GPX5: variants seen among roughly 807,000 people sequenced by gnomAD.
The protein encoded by GPX5 is glutathione peroxidase 5.
In GPX5, 20 loss-of-function variants were observed where a neutral mutation model predicts 23.8. That is an observed-to-expected ratio of 0.84 (90% CI 0.59 to 1.22). The LOEUF (loss-of-function observed/expected upper bound fraction) is 1.22, where lower values mean the gene tolerates loss of function less well. Ranked by LOEUF, GPX5 falls within the 50% of genes most tolerant of loss-of-function variation. The pLI, the probability that GPX5 is intolerant of heterozygous loss-of-function variation, is 0.00. For synonymous variants in GPX5, 92 were observed against 99.5 expected (o/e 0.92, Z 0.45); for missense variants, 230 against 266.6 (o/e 0.86, Z 0.96).
intron 1 of GPX5, 59 bp from the exon 2 acceptor site, chr6:28,529,392 A>G: frequency 7.3e-7 from 1 of 1,364,746 alleles, no homozygotes; most frequent in Non-Finnish European, 1.0e-6. Context: ...TCTTTGAAAG[A>G]TTACACAGAT....
At chr6:28,531,385 AAAAAAAAAGAAAAGAAAAGAAAAGAAAAG>A (rs1370407939) in intron 2 of GPX5, among the ~76,000 whole-genome samples, 4 of 132,312 alleles carry the variant, frequency 3.0e-5, no homozygotes, top group African/African-American at 1.1e-4. Flanking sequence ...AAAAAAAAAA[AAAAAAAAAGAAAAGAAAAGAAAAGAAAAG>A]AAAAGAAAAG....
rs760131066 is a variant in GPX5, at chr6:28,529,594, G to A, written c.231G>A (p.Ala77=). The part of the protein sequence containing the change: ...VNVATYCGLT[A]QYPELNALQE... ...TGGCCACCTACTGTGGTCTGACAGC[G>A]CAATATCCTGGTAAGAGAATTCATA... The change falls in exon 2 of 5, where the codon GCG becomes GCA. Residue 77 remains alanine (A), a synonymous_variant. Transcript: ENST00000412168. 11 of 1,606,210 alleles carry A rather than the reference G, an allele frequency of 6.8e-6. No homozygotes were observed. The highest frequency in any genetic ancestry group is 6.7e-5 in the Admixed American group (4 of 59,322).
chr6:28,532,039 C>T lies in GPX5; in HGVS notation c.359+144C>T, dbSNP rs530678827. 60 of 734,826 alleles carry T rather than the reference C, an allele frequency of 8.2e-5. 2 individuals carry two copies. The highest frequency in any genetic ancestry group is 3.0e-4 in the African/African-American group (17 of 56,374). The allele number at this position is 734,826 out of a possible 1,614,324, so 45.5% of individuals were successfully genotyped here. A position where few individuals can be genotyped will look rare whatever the true frequency, so the allele number is the denominator to read the frequency against. Reference sequence around the variant, plus strand: ...CAAGCAGAGTTTAACTTTGGCCTACCGTGATGAGCGTCTGGCAGTTTCCAG... The same window carrying T: ...CAAGCAGAGTTTAACTTTGGCCTACTGTGATGAGCGTCTGGCAGTTTCCAG... On this transcript the variant is annotated intron_variant, in intron 3 of 4. Transcript: ENST00000412168.
intron 1 of GPX5, chr6:28,528,538 TCA>T (rs1763248312): frequency 6.6e-6 from 1 of 152,014 alleles, no homozygotes; most frequent in East Asian, 1.9e-4. Flanking sequence ...CCCTCCCTTC[TCA>T]GAGAGTCCAG....
At chr6:28,529,822 C>T (rs1363347438) in intron 2 of GPX5, among the ~76,000 whole-genome samples, 3 of 152,110 alleles carry the variant, frequency 2.0e-5, no homozygotes, top group Admixed American at 6.5e-5. Flanking sequence ...GGAATGCAGC[C>T]GTCCCCGTTC....
chr6:28,534,412 C>T lies in GPX5; in HGVS notation c.*245C>T, dbSNP rs1461324780. 3 of 401,518 alleles carry T rather than the reference C, an allele frequency of 7.5e-6. No individual in the cohort carries two copies. The highest frequency in any genetic ancestry group is 1.3e-5 in the Non-Finnish European group (3 of 227,248). 24.9% of individuals were successfully genotyped at this position (401,518 alleles called of 1,614,324 possible). A position where few individuals can be genotyped will look rare whatever the true frequency, so the allele number is the denominator to read the frequency against. ...GGTGAAGACTGAAACAAATGGAAAC[C>T]TAAAATCCCCAGACCTCTGTTACAG... is the stretch of plus-strand genomic sequence containing the variant. On this transcript the variant is annotated 3_prime_UTR_variant, in exon 5 of 5. Coordinates refer to ENST00000412168, the MANE Select transcript of GPX5 (RefSeq NM_001509.3).
chr6:28,526,892 A>G (rs554357523), intron 1 of GPX5: 1 of 152,332 alleles, frequency 6.6e-6, no homozygotes, highest in South Asian at 2.1e-4. Flanking sequence ...GTGGGTGAAT[A>G]ACAATTATTA....
intron 1 of GPX5, chr6:28,527,890 C>T (rs1424608189): frequency 6.6e-6 from 1 of 152,158 alleles, no homozygotes; most frequent in Admixed American, 6.5e-5. Context: ...TAAGATGAGA[C>T]CTGCCTTGTA....
rs528542128 is a variant in GPX5 at position 28,533,047 on chromosome 6, G to A, written c.459+627G>A. On this transcript the variant is annotated intron_variant, in intron 4 of 4. Transcript: ENST00000412168. ...GAGGCCAGAGGATTGCTTGAGCTCC[G>A]GAGCTGGAGGCTGAAGTGAGCTATG... Among the ~76,000 whole-genome samples the A allele has an allele frequency of 7.2e-5, 11 of 152,248 alleles. No homozygotes were observed. In the South Asian group the frequency reaches 8.3e-4, roughly 11 times the overall value.
intron 1 of GPX5, among the ~76,000 whole-genome samples, chr6:28,526,302 G>C (rs147698259): frequency 0.013 from 2,008 of 152,098 alleles, 47 homozygotes; most frequent in African/African-American, 0.045. Flanking sequence ...GGGAAGAAAG[G>C]GTCTCCATAT....
At chr6:28,532,000 G>A in intron 3 of GPX5, 105 bp downstream of exon 3, 1 of 811,464 alleles carries the variant, frequency 1.2e-6, no homozygotes, top group South Asian at 1.4e-5. Flanking sequence ...GGATTAATAG[G>A]CTCAGGGGCA....
chr6:28,531,110 C>T (rs576607361), intron 2 of GPX5, among the ~76,000 whole-genome samples: 1 of 151,992 alleles, frequency 6.6e-6, no homozygotes, highest in African/African-American at 2.4e-5. Context: ...TTGTCTTTGC[C>T]TTTGTCAGTT....
In GPX5 at chr6:28,531,398, AGAAAAG is replaced by A. The variant is rs1562010454; in HGVS notation, c.242-379_242-374del. Among the ~76,000 whole-genome samples, 39 of 93,990 alleles carry A rather than the reference AGAAAAG, an allele frequency of 4.1e-4. 1 individual carries two copies. The highest frequency in any genetic ancestry group is 1.1e-3 in the East Asian group (2 of 1,790). 61.7% of individuals were successfully genotyped at this position (93,990 alleles called of 152,430 possible). A position where few individuals can be genotyped will look rare whatever the true frequency, so the allele number is the denominator to read the frequency against. On this transcript the variant is annotated intron_variant, in intron 2 of 4. Coordinates refer to ENST00000412168, the MANE Select transcript of GPX5 (RefSeq NM_001509.3). ...AAAAAAAAAAAAAAAAAAAAAGAAA[AGAAAAG>A]AAAAGAAAAGAAAAGAAAAGAAAAG...
In GPX5 at chr6:28,531,893, C is replaced by G. The variant is rs758370971; in HGVS notation, c.357C>G (p.Leu119=). 3.2e-5 allele frequency: 51 copies of G among 1,602,758 alleles called. No homozygotes were observed. The highest frequency in any genetic ancestry group is 4.3e-5 in the Non-Finnish European group (50 of 1,170,004). Residue 119 remains leucine, a splice_region_variant and synonymous_variant, in exon 3 of 5, where the codon CTC becomes CTG. Coordinates refer to ENST00000412168, the MANE Select transcript of GPX5 (RefSeq NM_001509.3). The stretch of plus-strand genomic sequence containing the variant: ...ATAACAAAGAGATTCTTCCTGGGCT[C>G]AAGTACGTGTCTTCTTGAAATCCAA... ...PGDNKEILPG[L]KYVRPGGGFV...
chr6:28,528,847 A>G lies in GPX5; in HGVS notation c.88-604A>G, dbSNP rs370386586. Among the ~76,000 whole-genome samples the G allele has an allele frequency of 4.4e-3, 97 of 22,186 alleles. 14 individuals are homozygous for G. Among genetic ancestry groups the G allele is most frequent in the East Asian group, 0.025 (19 of 750 alleles). 14.6% of individuals were successfully genotyped at this position (22,186 alleles called of 152,430 possible). On this transcript the variant is annotated intron_variant, in intron 1 of 4. Coordinates refer to ENST00000412168, the MANE Select transcript of GPX5 (RefSeq NM_001509.3). ...TATATATATATATATATATATATATATATATATATATATATATATATATAT... is the reference window on the plus strand; with the variant it reads ...TATATATATATATATATATATATATGTATATATATATATATATATATATAT...
rs1304761923 is a variant in GPX5, at chr6:28,534,155, C to T, written c.654C>T (p.Phe218=). ...ACATCCTGGCGTACTTGAAGCAATT[C>T]AAAACCAAATAGGAAGGTGGAGTTA... ...KTDILAYLKQ[F]KTK is the part of the protein sequence containing the mutation. Residue 218 remains phenylalanine (F), a synonymous_variant, in exon 5 of 5, where the codon TTC becomes TTT. Coordinates refer to ENST00000412168, the MANE Select transcript of GPX5 (RefSeq NM_001509.3). 3 of 1,589,034 alleles carry T rather than the reference C, an allele frequency of 1.9e-6. No homozygotes were observed. The highest frequency in any genetic ancestry group is 2.6e-6 in the Non-Finnish European group (3 of 1,168,872).
chr6:28,530,656 T>G (rs1270574782), intron 2 of GPX5, among the ~76,000 whole-genome samples: 3 of 152,216 alleles, frequency 2.0e-5, no homozygotes, highest in Non-Finnish European at 4.4e-5. Context: ...TCCTCATTCT[T>G]TCTTAAGACT....
chr6:28,531,389 A>AAAAGAAAAG (rs1554164856), intron 2 of GPX5, among the ~76,000 whole-genome samples: 8 of 69,550 alleles, frequency 1.2e-4, no homozygotes, highest in African/African-American at 4.7e-4. Flanking sequence ...AAAAAAAAAA[A>AAAAGAAAAG]AAAAGAAAAG....
intron 4 of GPX5, among the ~76,000 whole-genome samples, chr6:28,532,714 G>A (rs1029059223): frequency 1.3e-5 from 2 of 152,190 alleles, no homozygotes; most frequent in Admixed American, 6.5e-5. Flanking sequence ...AGGTACACTT[G>A]ATGAATGCCC....
Sources: gnomAD v4.1 joint callset for allele counts (sites outside exome capture counted in the v4.1 genomes callset) on GRCh38, gnomAD v4.1.1 for gene constraint, MANE v1.5 for transcripts, NCBI Gene and HGNC (gene_info 2026-07-23, HGNC 2026-07-21) for gene names.